The following CDCA5 variants were observed in gnomAD, a reference collection of about 807,000 sequenced individuals.
The protein encoded by CDCA5 is cell division cycle associated 5.
In CDCA5, 14 loss-of-function variants were observed where a neutral mutation model predicts 25.7. That is an observed-to-expected ratio of 0.54 (90% CI 0.36 to 0.85). CDCA5 has a LOEUF of 0.85. Ranked by LOEUF, CDCA5 falls within the 40% of genes least tolerant of loss-of-function variation. CDCA5 has a pLI of 0.01. For missense variants in CDCA5, 307 were observed against 324.5 expected (o/e 0.95, Z 0.41); for synonymous variants, 127 against 128.7 (o/e 0.99, Z 0.09).
chr11:65,064,611 T>C (rs961175621), downstream of CDCA5, among the ~76,000 whole-genome samples: 2 of 152,184 alleles, frequency 1.3e-5, no homozygotes, highest in Middle Eastern at 3.4e-3. Context: ...GACAGCTGTT[T>C]GTACAGCAGG....
downstream of CDCA5, among the ~76,000 whole-genome samples, chr11:65,064,560 T>C (rs1444358766): frequency 6.6e-6 from 1 of 152,152 alleles, no homozygotes; most frequent in Admixed American, 6.5e-5. Flanking sequence ...CCAACTACCA[T>C]CAACCTCAGT....
chr11:65,066,128 G>A (rs1947231295), downstream of CDCA5, among the ~76,000 whole-genome samples: 1 of 152,088 alleles, frequency 6.6e-6, no homozygotes, highest in South Asian at 2.1e-4. Context: ...CCTTCTGTGA[G>A]GGGTCGGGGG....
chr11:65,078,874 C>T lies in CDCA5; in HGVS notation c.*233G>A, dbSNP rs1024404040. On this transcript the variant is annotated 3_prime_UTR_variant, in exon 6 of 6. Transcript: ENST00000275517. ...CTTTGGGGAGATAGGAAGGACAGGA[C>T]GACAAGAGACAGGACACCAGTGAGT... 6 of 1,233,172 alleles carry T rather than the reference C, an allele frequency of 4.9e-6. No homozygotes were observed. Among genetic ancestry groups the T allele is most frequent in the South Asian group, 3.9e-5 (1 of 25,542 alleles). The allele number at this position is 1,233,172 out of a possible 1,614,324, so 76.4% of individuals were successfully genotyped here. A position where few individuals can be genotyped will look rare whatever the true frequency, so the allele number is the denominator to read the frequency against.
chr11:65,079,865 G>A (rs944581984), intron 4 of CDCA5, 78 bp from the exon 5 acceptor site: 7 of 1,178,686 alleles, frequency 5.9e-6, no homozygotes, highest in African/African-American at 3.1e-5. Flanking sequence ...AGAAGATTCA[G>A]GGTGGAAAGA....
chr11:65,068,639 C>T (rs1196141588), intron 1 of CDCA5: 2 of 1,202,774 alleles, frequency 1.7e-6, no homozygotes, highest in Non-Finnish European at 2.2e-6. Context: ...CTCACATCTA[C>T]CATCCCCGCT....
downstream of CDCA5, among the ~76,000 whole-genome samples, chr11:65,062,011 C>T (rs1311634384): frequency 6.7e-6 from 1 of 148,778 alleles, no homozygotes; most frequent in Non-Finnish European, 1.5e-5. Flanking sequence ...ACCTCTGCCT[C>T]CCAGGTTCAA....
intron 5 of CDCA5, chr11:65,066,772 G>A (rs1207989414): frequency 1.6e-6 from 2 of 1,288,386 alleles, no homozygotes; most frequent in African/African-American, 1.5e-5. Flanking sequence ...AGGCAGGGAG[G>A]AGGCAAGACA....
rs756457797 is a variant in CDCA5 at position 65,079,343 on chromosome 11, TCTCA to T, written c.678+6_678+9del. The T allele has an allele frequency of 1.2e-6, 2 of 1,613,824 alleles. No individual in the cohort carries two copies. The highest frequency in any genetic ancestry group is 1.3e-5 in the African/African-American group (1 of 74,854). ...CACACGGCAGAGAAAAACCCCTGCCTCTCACTCACCAAGATCTCTGGCATTTTCT... is the reference window on the plus strand; with the variant it reads ...CACACGGCAGAGAAAAACCCCTGCCTCTCACCAAGATCTCTGGCATTTTCT... On this transcript the variant is annotated splice_donor_region_variant and intron_variant, in intron 5 of 5. Transcript: ENST00000275517.
At chr11:65,082,596 G>A (rs530042036) in intron 4 of CDCA5, among the ~76,000 whole-genome samples, 3 of 151,528 alleles carry the variant, frequency 2.0e-5, no homozygotes, top group East Asian at 1.9e-4. Context: ...CTGAGTAGCT[G>A]GGACTATAGG....
intron 3 of CDCA5, chr11:65,067,918 C>T (rs1947270232): frequency 1.1e-6 from 1 of 899,674 alleles, no homozygotes; most frequent in Non-Finnish European, 1.6e-6. Flanking sequence ...TTGAATGTTT[C>T]TGGGTGTGGG....
At chr11:65,080,244 A>G (rs555029391) in intron 4 of CDCA5, among the ~76,000 whole-genome samples, 1 of 152,224 alleles carries the variant, frequency 6.6e-6, no homozygotes, top group East Asian at 1.9e-4. Context: ...AGACATGGAG[A>G]GAAGAAAACA....
At position 65,077,552 on chromosome 11, in the gene CDCA5, AATG is replaced by A; in HGVS notation, c.*1552_*1554del. The A allele has an allele frequency of 1.0e-6, 1 of 985,424 alleles. No individual in the cohort carries two copies. Among genetic ancestry groups the A allele is most frequent in the Non-Finnish European group, 1.2e-6 (1 of 829,882 alleles). 61.0% of individuals were successfully genotyped at this position (985,424 alleles called of 1,614,324 possible). ...GTTCCTCAGGAACAGAGAACTTTGC[AATG>A]ATGATCTCAACTCTGCATCATCTGG... is the stretch of plus-strand genomic sequence containing the variant. On this transcript the variant is annotated 3_prime_UTR_variant, in exon 6 of 6. Transcript: ENST00000275517.
chr11:65,076,895 G>A (rs923399675), downstream of CDCA5, among the ~76,000 whole-genome samples: 7 of 152,174 alleles, frequency 4.6e-5, no homozygotes, highest in African/African-American at 7.2e-5. Context: ...GGCATCTCCC[G>A]TGGGCACTGG....
intron 1 of CDCA5, among the ~76,000 whole-genome samples, chr11:65,071,136 G>A (rs1460934099): frequency 4.0e-5 from 6 of 151,460 alleles, no homozygotes; most frequent in Non-Finnish European, 7.4e-5. Context: ...TAGAGACGGG[G>A]TTTCACCGTG....
intron 1 of CDCA5, among the ~76,000 whole-genome samples, chr11:65,069,612 C>T (rs1364646035): frequency 3.3e-5 from 5 of 152,116 alleles, no homozygotes; most frequent in Non-Finnish European, 7.3e-5. Flanking sequence ...ATCCACAGAA[C>T]GATGGAGAGT....
intron 2 of CDCA5, chr11:65,068,342 C>A (rs1176759381): frequency 3.3e-5 from 16 of 479,928 alleles, no homozygotes; most frequent in Middle Eastern, 7.8e-4. Flanking sequence ...AGCCCTGAAC[C>A]CAGGAGCTGG....
intron 4 of CDCA5, among the ~76,000 whole-genome samples, chr11:65,080,682 T>C (rs921777099): frequency 6.6e-6 from 1 of 152,168 alleles, no homozygotes; most frequent in African/African-American, 2.4e-5. Context: ...CCTTGCCTGC[T>C]GTGGTCCATC....
downstream of CDCA5, among the ~76,000 whole-genome samples, chr11:65,063,287 G>A (rs937903671): frequency 2.6e-5 from 4 of 152,226 alleles, no homozygotes; most frequent in Non-Finnish European, 5.9e-5. Flanking sequence ...GGAAGGCCCT[G>A]CCAGGCTGCA....
rs1947498052 is a variant in CDCA5 at position 65,078,903 on chromosome 11, T to G, written c.*204A>C. The G allele has an allele frequency of 8.0e-7, 1 of 1,255,582 alleles. No individual in the cohort carries two copies. The highest frequency in any genetic ancestry group is 3.8e-5 in the Admixed American group (1 of 26,536). 77.8% of individuals were successfully genotyped at this position (1,255,582 alleles called of 1,614,324 possible). On this transcript the variant is annotated 3_prime_UTR_variant, in exon 6 of 6. Transcript: ENST00000275517. The stretch of plus-strand genomic sequence containing the variant: ...AAGAGACAGGACACCAGTGAGTGGC[T>G]GGGCCAGGCGGCCCCATTTCCTAAA...
Sources: gnomAD v4.1 joint callset for allele counts (sites outside exome capture counted in the v4.1 genomes callset) on GRCh38, gnomAD v4.1.1 for gene constraint, MANE v1.5 for transcripts, NCBI Gene and HGNC (gene_info 2026-07-23, HGNC 2026-07-21) for gene names.